The following SCFD2 variants were observed in gnomAD, a reference collection of about 807,000 sequenced individuals.
SCFD2 encodes sec1 family domain-containing protein 2.
Under a neutral mutation model 58.9 loss-of-function variants are expected in SCFD2, and 54 were observed. The ratio of observed to expected loss-of-function variants is 0.92; its 90% confidence interval spans 0.74 to 1.15. The LOEUF (loss-of-function observed/expected upper bound fraction) is 1.15. SCFD2 is among the 50% of genes most tolerant of loss of function. SCFD2 has a pLI of 0.00. For synonymous variants in SCFD2, 321 were observed against 335.9 expected (o/e 0.96, Z 0.49); for missense variants, 805 against 836.6 (o/e 0.96, Z 0.47).
At chr4:52,926,315 C>T (rs1398966521) in intron 5 of SCFD2, among the ~76,000 whole-genome samples, 2 of 152,006 alleles carry the variant, frequency 1.3e-5, no homozygotes, top group African/African-American at 4.8e-5. Flanking sequence ...CATCTTTCAT[C>T]AGAAGGGTGC....
chr4:53,315,398 G>T (rs769102777), intron 2 of SCFD2, among the ~76,000 whole-genome samples: 15 of 152,114 alleles, frequency 9.9e-5, no homozygotes, highest in Non-Finnish European at 8.8e-5. Context: ...GAGGGGCAGT[G>T]GAAGGAGAGC....
intron 5 of SCFD2, among the ~76,000 whole-genome samples, chr4:53,087,372 T>C (rs1345053260): frequency 2.6e-5 from 4 of 152,212 alleles, no homozygotes; most frequent in Non-Finnish European, 5.9e-5. Context: ...TCTCACTCTG[T>C]CACCTAGGCT....
At chr4:53,082,013 A>G (rs546818565) in intron 5 of SCFD2, among the ~76,000 whole-genome samples, 53 of 152,312 alleles carry the variant, frequency 3.5e-4, no homozygotes, top group African/African-American at 1.2e-3. Context: ...AGGTTCATCC[A>G]TGTTGTAGCA....
In SCFD2 at chr4:53,116,750, T is replaced by A. The variant is rs138154918; in HGVS notation, c.1561+28583A>T. Among the ~76,000 whole-genome samples, 20 of 152,292 alleles carry A rather than the reference T, an allele frequency of 1.3e-4. 2 individuals are homozygous for A. Among genetic ancestry groups the A allele is most frequent in the African/African-American group, 4.8e-4 (20 of 41,574 alleles). ...TAATTCAGTTGGATTTTCTTTCATA[T>A]CTGACAATGAAAAGAACCCTGAGTC... On this transcript the variant is annotated intron_variant, in intron 5 of 8. Coordinates refer to ENST00000401642, the MANE Select transcript of SCFD2 (RefSeq NM_152540.4).
intron 5 of SCFD2, among the ~76,000 whole-genome samples, chr4:53,109,693 C>A (rs1285003059): frequency 1.3e-5 from 2 of 152,132 alleles, no homozygotes; most frequent in African/African-American, 4.8e-5. Context: ...AGGAGAACTA[C>A]AAACCACTGC....
chr4:53,168,263 G>C (rs953935568), intron 4 of SCFD2, among the ~76,000 whole-genome samples: 1 of 152,224 alleles, frequency 6.6e-6, no homozygotes, highest in Non-Finnish European at 1.5e-5. Flanking sequence ...GGACCCCAAA[G>C]TGAGCTAAAG....
At chr4:52,974,259 A>C (rs1309146276) in intron 5 of SCFD2, among the ~76,000 whole-genome samples, 1 of 152,196 alleles carries the variant, frequency 6.6e-6, no homozygotes, top group Non-Finnish European at 1.5e-5. Context: ...ATGATTGTAT[A>C]TCTAGAAAAC....
At chr4:52,992,941 T>A (rs1721654332) in intron 5 of SCFD2, among the ~76,000 whole-genome samples, 1 of 152,100 alleles carries the variant, frequency 6.6e-6, no homozygotes, top group African/African-American at 2.4e-5. Flanking sequence ...ATGGCGGTTT[T>A]GTCGAATAGA....
intron 4 of SCFD2, among the ~76,000 whole-genome samples, chr4:53,204,907 T>C (rs1728362021): frequency 6.6e-6 from 1 of 151,796 alleles, no homozygotes; most frequent in Non-Finnish European, 1.5e-5. Flanking sequence ...AGAAATGCCT[T>C]CAAAATTCCC....
intron 6 of SCFD2, among the ~76,000 whole-genome samples, chr4:52,911,050 T>TA (rs373772259): frequency 1.4e-3 from 198 of 140,006 alleles, no homozygotes; most frequent in Admixed American, 1.4e-3. Context: ...CCTTAACCCA[T>TA]AAAAAAAAAA....
chr4:53,068,774 T>A (rs1380966698), intron 5 of SCFD2, among the ~76,000 whole-genome samples: 1 of 152,048 alleles, frequency 6.6e-6, no homozygotes, highest in Non-Finnish European at 1.5e-5. Flanking sequence ...TTTGTAAAAT[T>A]TCAAGCATCT....
At chr4:52,921,340 G>A (rs1254121703) in intron 5 of SCFD2, among the ~76,000 whole-genome samples, 4 of 152,284 alleles carry the variant, frequency 2.6e-5, no homozygotes, top group East Asian at 3.9e-4. Context: ...AACAAAGCAC[G>A]TGGCACATTT....
At chr4:53,247,221 C>G (rs1189694619) in intron 4 of SCFD2, among the ~76,000 whole-genome samples, 1 of 152,016 alleles carries the variant, frequency 6.6e-6, no homozygotes, top group Non-Finnish European at 1.5e-5. Flanking sequence ...CTCACAACAG[C>G]CAAAATGGCT....
At chr4:53,056,661 C>A (rs529331944) in intron 5 of SCFD2, among the ~76,000 whole-genome samples, 2 of 152,158 alleles carry the variant, frequency 1.3e-5, no homozygotes, top group South Asian at 4.2e-4. Flanking sequence ...ATATATTGTA[C>A]ATTTCTTTCT....
chr4:53,109,663 G>T (rs1012991020), intron 5 of SCFD2, among the ~76,000 whole-genome samples: 1 of 152,088 alleles, frequency 6.6e-6, no homozygotes, highest in Non-Finnish European at 1.5e-5. Context: ...AACTCACAAC[G>T]AATGTGAAGG....
intron 5 of SCFD2, among the ~76,000 whole-genome samples, chr4:53,036,623 C>T (rs1722766814): frequency 6.6e-6 from 1 of 151,676 alleles, no homozygotes; most frequent in African/African-American, 2.4e-5. Context: ...TGTTCTCACG[C>T]AAAAGTGGGA....
intron 2 of SCFD2, among the ~76,000 whole-genome samples, chr4:53,343,595 T>G (rs1336440067): frequency 6.6e-6 from 1 of 152,206 alleles, no homozygotes; most frequent in East Asian, 1.9e-4. Flanking sequence ...CCTCCCTCAC[T>G]CATTTTATGA....
At chr4:52,973,888 C>A (rs550555724) in intron 5 of SCFD2, among the ~76,000 whole-genome samples, 1 of 152,290 alleles carries the variant, frequency 6.6e-6, no homozygotes, top group South Asian at 2.1e-4. Context: ...AAATGTAATC[C>A]AGCATATAAA....
At chr4:53,238,042 C>G (rs1443872915) in intron 4 of SCFD2, among the ~76,000 whole-genome samples, 3 of 138,550 alleles carry the variant, frequency 2.2e-5, no homozygotes, top group Non-Finnish European at 3.2e-5. Flanking sequence ...GGTGGCTGGC[C>G]GGGCGGGGGG....
Sources: allele counts gnomAD v4.1 joint callset (sites outside exome capture counted in the v4.1 genomes callset), GRCh38; gene constraint gnomAD v4.1.1; transcripts MANE v1.5; gene names NCBI Gene and HGNC (gene_info 2026-07-23, HGNC 2026-07-21).